COQ5: variants seen among roughly 807,000 people sequenced by gnomAD.
COQ5 encodes coenzyme Q5, methyltransferase, also known as 2-methoxy-6-polyprenyl-1,4-benzoquinol methylase, mitochondrial.
Under a neutral mutation model 40.5 loss-of-function variants are expected in COQ5, and 27 were observed. The observed-to-expected ratio is 0.67, with a 90% CI of 0.49 to 0.92. The LOEUF is 0.92. COQ5 is among the 40% of genes least tolerant of loss of function. COQ5 has a pLI of 0.00. For missense variants in COQ5, 409 were observed against 406.4 expected, an observed-to-expected ratio of 1.01 and a Z score of -0.06; for synonymous variants, 141 against 150.0, an observed-to-expected ratio of 0.94 and a Z score of 0.44.
intron 2 of COQ5, 95 bp from the exon 3 acceptor site, chr12:120,516,883 A>G: frequency 9.4e-7 from 1 of 1,059,264 alleles, no homozygotes; most frequent in South Asian, 1.3e-5. Context: ...TAACAGAGGC[A>G]CAGGAGTACC....
chr12:120,510,167 T>G (rs750690121), intron 3 of COQ5, 44 bp from the exon 4 acceptor site: 2 of 1,447,972 alleles, frequency 1.4e-6, no homozygotes, highest in Non-Finnish European at 9.7e-7. Flanking sequence ...GGGTAGCTGT[T>G]TTTCCTGCCC....
chr12:120,528,632 T>G (rs953590612), intron 1 of COQ5, among the ~76,000 whole-genome samples: 2 of 151,862 alleles, frequency 1.3e-5, no homozygotes, highest in African/African-American at 4.8e-5. Context: ...TGAAACCCCA[T>G]CTCTAGTAAG....
intron 4 of COQ5, among the ~76,000 whole-genome samples, chr12:120,507,625 C>T (rs901968210): frequency 1.1e-4 from 16 of 149,520 alleles, no homozygotes; most frequent in African/African-American, 1.5e-4. Context: ...CAGTGGCTCA[C>T]GCCTGTAATC....
At chr12:120,513,214 T>C (rs1444707316) in intron 3 of COQ5, among the ~76,000 whole-genome samples, 1 of 137,056 alleles carries the variant, frequency 7.3e-6, no homozygotes, top group African/African-American at 2.7e-5. Flanking sequence ...AAAAAAAAAG[T>C]AGTTAAGGGC....
chr12:120,510,345 G>A (rs538838748), intron 3 of COQ5, among the ~76,000 whole-genome samples: 1 of 152,070 alleles, frequency 6.6e-6, no homozygotes, highest in Admixed American at 6.6e-5. Context: ...GGGAGGTCTT[G>A]CTTTCTCACC....
chr12:120,519,316 T>C (rs1451995860), intron 2 of COQ5, among the ~76,000 whole-genome samples: 1 of 152,116 alleles, frequency 6.6e-6, no homozygotes, highest in Non-Finnish European at 1.5e-5. Flanking sequence ...CTCAACACTT[T>C]GGGAGGCCAA....
chr12:120,520,561 T>C lies in COQ5; in HGVS notation c.352+1653A>G, dbSNP rs1869598158. On this transcript the variant is annotated intron_variant, in intron 2 of 6. Coordinates refer to ENST00000288532, the MANE Select transcript of COQ5 (RefSeq NM_032314.4). ...GGATGGTTTCGATCTCTTGACCTCA[T>C]GATCCGACCGCCTCGGGCTCCCAAA... is the stretch of plus-strand genomic sequence containing the variant. 1.3e-5 allele frequency among the ~76,000 whole-genome samples: 2 copies of C among 151,940 alleles called. 1 individual carries two copies. Among genetic ancestry groups the C allele is most frequent in the South Asian group, 4.1e-4 (2 of 4,822 alleles).
At chr12:120,504,818 C>A in intron 5 of COQ5, 77 bp downstream of exon 5, 1 of 1,213,800 alleles carries the variant, frequency 8.2e-7, no homozygotes, top group Non-Finnish European at 1.2e-6. Flanking sequence ...TTATAGCTTA[C>A]TGGCTATTTT....
intron 1 of COQ5, among the ~76,000 whole-genome samples, chr12:120,527,783 C>G (rs1457042113): frequency 6.6e-6 from 1 of 151,426 alleles, no homozygotes; most frequent in Non-Finnish European, 1.5e-5. Context: ...GAGATCCAGA[C>G]CATCCTGGCT....
At chr12:120,509,745 T>C (rs1593015529) in intron 4 of COQ5, 1 of 415,028 alleles carries the variant, frequency 2.4e-6, no homozygotes, top group Admixed American at 3.5e-5. Context: ...AACATTATCT[T>C]TTTTAAGATT....
intron 5 of COQ5, among the ~76,000 whole-genome samples, chr12:120,504,408 A>ATTT (rs33973905): frequency 0.015 from 1,691 of 111,022 alleles, 41 homozygotes; most frequent in South Asian, 0.042. Context: ...CCTGATTTAA[A>ATTT]TTTTTTTTTT....
At chr12:120,505,490 C>T (rs879318285) in intron 4 of COQ5, among the ~76,000 whole-genome samples, 5 of 151,800 alleles carry the variant, frequency 3.3e-5, no homozygotes, top group Admixed American at 2.0e-4. Flanking sequence ...CAGGTTCAAG[C>T]GATTCTCCTG....
chr12:120,505,044 G>A, intron 4 of COQ5, 61 bp from the exon 5 acceptor site: 1 of 1,347,866 alleles, frequency 7.4e-7, no homozygotes, highest in African/African-American at 1.4e-5. Context: ...ATTCCATGAG[G>A]CCAAGACAGC....
At chr12:120,522,652 CAG>C in intron 1 of COQ5, 1 of 656,256 alleles carries the variant, frequency 1.5e-6, no homozygotes, top group East Asian at 2.5e-5. Context: ...CATTGGCAGA[CAG>C]AGATATCTAC....
At chr12:120,510,217 C>T in intron 3 of COQ5, 94 bp from the exon 4 acceptor site, 1 of 981,326 alleles carries the variant, frequency 1.0e-6, no homozygotes, top group Non-Finnish European at 1.6e-6. Context: ...AGCTGGAGAG[C>T]CCAAGTCCTG....
chr12:120,505,609 T>A (rs1868845407), intron 4 of COQ5, among the ~76,000 whole-genome samples: 1 of 151,998 alleles, frequency 6.6e-6, no homozygotes, highest in Non-Finnish European at 1.5e-5. Context: ...CAGGCTGGAG[T>A]GCAATGGCAT....
chr12:120,516,465 T>C, intron 3 of COQ5, 102 bp downstream of exon 3: 1 of 1,043,332 alleles, frequency 9.6e-7, no homozygotes, highest in South Asian at 1.3e-5. Flanking sequence ...ATCTATAAGT[T>C]TCTGAAAGCC....
chr12:120,522,473 G>A, intron 1 of COQ5, 110 bp from the exon 2 acceptor site: 1 of 1,024,172 alleles, frequency 9.8e-7, no homozygotes, highest in East Asian at 2.4e-5. Flanking sequence ...GGCTTTGCAA[G>A]GTGAAACTAA....
chr12:120,521,749 C>T (rs1328685890), intron 2 of COQ5, among the ~76,000 whole-genome samples: 3 of 151,496 alleles, frequency 2.0e-5, no homozygotes, highest in Non-Finnish European at 4.4e-5. Context: ...GTAATCCCAG[C>T]ACTTTGGGAG....
Sources: gnomAD v4.1 joint callset for allele counts (sites outside exome capture counted in the v4.1 genomes callset) on GRCh38, gnomAD v4.1.1 for gene constraint, MANE v1.5 for transcripts, NCBI Gene and HGNC (gene_info 2026-07-23, HGNC 2026-07-21) for gene names.